Variants in DENND5A observed in about 807,000 individuals in gnomAD.
The protein encoded by DENND5A is DENN domain containing 5A.
Under a neutral mutation model 140.3 loss-of-function variants are expected in DENND5A, and 64 were observed. The observed-to-expected ratio is 0.46, with a 90% CI of 0.37 to 0.56. DENND5A has a LOEUF of 0.56. DENND5A is among the 20% of genes least tolerant of loss of function. The probability of loss-of-function intolerance (pLI) is 0.00; values close to 1 mark genes in which losing one functional copy is unlikely to be tolerated. For synonymous variants in DENND5A, 605 were observed against 607.7 expected (o/e 1.00, Z 0.07); for missense variants, 1,292 against 1,593.8 (o/e 0.81, Z 3.22).
In DENND5A at chr11:9,141,991, C is replaced by T. The variant is rs1057519564; in HGVS notation, c.3629G>A (p.Arg1210Gln). The T allele has an allele frequency of 8.7e-6, 14 of 1,605,708 alleles. No homozygotes were observed. The highest frequency in any genetic ancestry group is 2.2e-5 in the East Asian group (1 of 44,646). ...AAACTTGCCATCCTTGCCGATGTTC[C>T]GGGGAGTATTGTTGATTGCAGTGAC... is the stretch of plus-strand genomic sequence containing the variant. ...RFVTAINNTP[R>Q]NIGKDGKFQM... Residue 1210 changes from arginine to glutamine, a missense_variant, in exon 22 of 23, where the codon CGG (arginine) becomes CAG (glutamine). Arg to Gln is a conservative substitution (Grantham distance 43). Around this residue, in one of 4 missense-constraint regions of DENND5A, gnomAD observed 498 missense variants for 689.7 expected, o/e 0.72. Transcript: ENST00000328194.
rs553599658 is a variant in DENND5A, at chr11:9,147,415, G to A, written c.2736-264C>T. On this transcript the variant is annotated intron_variant, in intron 15 of 22. Transcript: ENST00000328194. The stretch of plus-strand genomic sequence containing the variant: ...GTTACTATAATATCAAGTGTCAGAA[G>A]TCATGAAATCTCCTTTTCTAAACTG... Among the ~76,000 whole-genome samples, 77 of 152,228 alleles carry A rather than the reference G, an allele frequency of 5.1e-4. 1 individual carries two copies. Among genetic ancestry groups the A allele is most frequent in the South Asian group, 8.3e-4 (4 of 4,832 alleles).
intron 1 of DENND5A, among the ~76,000 whole-genome samples, chr11:9,229,737 T>C (rs971818063): frequency 2.0e-5 from 3 of 152,044 alleles, no homozygotes; most frequent in Non-Finnish European, 4.4e-5. Flanking sequence ...CAGACAGGCC[T>C]TGCTGGGTCC....
chr11:9,160,272 C>A (rs1052136613), intron 12 of DENND5A, among the ~76,000 whole-genome samples: 1 of 152,200 alleles, frequency 6.6e-6, no homozygotes, highest in African/African-American at 2.4e-5. Flanking sequence ...CTTCCTGAGG[C>A]CTTCTCTCAA....
chr11:9,237,365 T>C (rs542562308), intron 1 of DENND5A, among the ~76,000 whole-genome samples: 1 of 151,814 alleles, frequency 6.6e-6, no homozygotes, highest in East Asian at 1.9e-4. Context: ...GAGGTTGCAG[T>C]GAGGCAAGAT....
At chr11:9,176,759 A>G in intron 8 of DENND5A, 1 of 381,554 alleles carries the variant, frequency 2.6e-6, no homozygotes. Context: ...GGCAAATACC[A>G]TCAACTGCTT....
At chr11:9,233,946 G>A (rs1850885988) in intron 1 of DENND5A, among the ~76,000 whole-genome samples, 1 of 152,284 alleles carries the variant, frequency 6.6e-6, no homozygotes, top group African/African-American at 2.4e-5. Context: ...GGGAGGCCGA[G>A]GTGGGTGGAT....
intron 1 of DENND5A, among the ~76,000 whole-genome samples, chr11:9,254,840 A>C (rs1009539792): frequency 7.2e-5 from 11 of 152,126 alleles, no homozygotes; most frequent in Non-Finnish European, 1.2e-4. Flanking sequence ...TAAGAGGCCA[A>C]GGAGGGTGGA....
At chr11:9,233,501 G>A (rs1351457860) in intron 1 of DENND5A, among the ~76,000 whole-genome samples, 1 of 151,760 alleles carries the variant, frequency 6.6e-6, no homozygotes, top group Non-Finnish European at 1.5e-5. Flanking sequence ...CTAATCTCCA[G>A]AAGCTATGAA....
Position 9,160,799 on chromosome 11 carries a change from T to C in DENND5A, c.2350A>G (p.Ile784Val). 1 of 1,614,140 alleles carries C rather than the reference T, an allele frequency of 6.2e-7. No individual in the cohort carries two copies. The highest frequency in any genetic ancestry group is 8.5e-7 in the Non-Finnish European group (1 of 1,179,958). Reference sequence around the variant, plus strand: ...AGGGTGTTCTCTTCCACCCCTGTGATGTTCACCTCCCCATGCCCTAGCTCC... The same window carrying C: ...AGGGTGTTCTCTTCCACCCCTGTGACGTTCACCTCCCCATGCCCTAGCTCC... The part of the protein sequence containing the change: ...AVELGHGEVN[I>V]TGVEENTLIA... The change falls in exon 12 of 23, where the codon ATC becomes GTC. Residue 784 changes from isoleucine (I) to valine (V), a missense_variant. Coordinates refer to ENST00000328194, the MANE Select transcript of DENND5A (RefSeq NM_015213.4).
chr11:9,143,457 G>A lies in DENND5A; in HGVS notation c.3333C>T (p.Ser1111=), dbSNP rs778488989. ...PKLNTGQIQE[S]IGEAVNGIVK... is the part of the protein sequence containing the mutation. ...CAATGCCATTGACTGCCTCCCCGAT[G>A]GACTCCTGGATCTGCCCAGTGTTCA... The change falls in exon 20 of 23, where the codon TCC becomes TCT. Residue 1111 remains serine (S), a synonymous_variant. Transcript: ENST00000328194. The A allele has an allele frequency of 1.2e-6, 2 of 1,614,174 alleles. No individual in the cohort carries two copies. The highest frequency in any genetic ancestry group is 2.2e-5 in the South Asian group (2 of 91,076).
At chr11:9,186,547 A>G (rs1434051710) in intron 5 of DENND5A, among the ~76,000 whole-genome samples, 1 of 152,218 alleles carries the variant, frequency 6.6e-6, no homozygotes, top group Non-Finnish European at 1.5e-5. Flanking sequence ...TCTACTAAAC[A>G]ATGCTTGGTT....
intron 11 of DENND5A, among the ~76,000 whole-genome samples, chr11:9,161,855 T>C (rs1847994381): frequency 6.6e-6 from 1 of 151,820 alleles, no homozygotes. Context: ...TATAGTATAT[T>C]TATAGTCTAA....
chr11:9,153,968 C>T (rs968576446), intron 12 of DENND5A, among the ~76,000 whole-genome samples: 7 of 152,216 alleles, frequency 4.6e-5, no homozygotes, highest in Non-Finnish European at 1.0e-4. Context: ...TCGTTCAGTA[C>T]ATCATAACCC....
intron 18 of DENND5A, among the ~76,000 whole-genome samples, chr11:9,144,610 G>A (rs2136113772): frequency 6.6e-6 from 1 of 152,122 alleles, no homozygotes; most frequent in East Asian, 1.9e-4. Context: ...GGTCAATATG[G>A]CGAAACCTGT....
At chr11:9,196,430 A>T (rs962387420) in intron 4 of DENND5A, among the ~76,000 whole-genome samples, 1 of 152,160 alleles carries the variant, frequency 6.6e-6, no homozygotes, top group African/African-American at 2.4e-5. Context: ...TTTGAAAAGT[A>T]TATATATAGT....
chr11:9,206,241 T>C (rs1849688777), intron 3 of DENND5A, among the ~76,000 whole-genome samples: 1 of 152,108 alleles, frequency 6.6e-6, no homozygotes, highest in Non-Finnish European at 1.5e-5. Flanking sequence ...CTATCTAAAA[T>C]TATGATGAAA....
chr11:9,234,758 C>T (rs978853031), intron 1 of DENND5A, among the ~76,000 whole-genome samples: 9 of 152,186 alleles, frequency 5.9e-5, no homozygotes, highest in Non-Finnish European at 1.2e-4. Context: ...GATAACTAGC[C>T]GAACCCATCC....
At chr11:9,247,045 C>G (rs894437361) in intron 1 of DENND5A, among the ~76,000 whole-genome samples, 6 of 152,022 alleles carry the variant, frequency 3.9e-5, no homozygotes, top group Non-Finnish European at 8.8e-5. Context: ...CTGGCTAACA[C>G]GGTGAAACCC....
intron 1 of DENND5A, among the ~76,000 whole-genome samples, chr11:9,220,217 G>A (rs941992851): frequency 5.3e-5 from 8 of 152,150 alleles, no homozygotes; most frequent in Admixed American, 4.6e-4. Context: ...CTTATAAATT[G>A]CAAAAAATGA....
Sources: gnomAD v4.1 joint callset for allele counts (sites outside exome capture counted in the v4.1 genomes callset) on GRCh38, gnomAD v4.1.1 for gene constraint, gnomAD v4.1.1 regional missense constraint, MANE v1.5 for transcripts, NCBI Gene and HGNC (gene_info 2026-07-23, HGNC 2026-07-21) for gene names.